RAP1B: variants seen among roughly 807,000 people sequenced by gnomAD.
RAP1B encodes ras-related protein Rap-1b.
RAP1B carries 1 observed loss-of-function variant against 27.5 expected under a neutral mutation model. The ratio of observed to expected loss-of-function variants is 0.04; its 90% CI spans 0.01 to 0.17. The LOEUF (loss-of-function observed/expected upper bound fraction) is 0.17. RAP1B is among the 10% of genes least tolerant of loss of function. The probability of loss-of-function intolerance (pLI) is 1.00; values close to 1 mark genes in which losing one functional copy is unlikely to be tolerated. For synonymous variants in RAP1B, 75 were observed against 73.1 expected, an observed-to-expected ratio of 1.03 and a Z score of -0.13; for missense variants, 84 against 214.8, an observed-to-expected ratio of 0.39 and a Z score of 3.81.
chr12:68,641,368 A>G (rs906392949), intron 1 of RAP1B, among the ~76,000 whole-genome samples: 7 of 152,212 alleles, frequency 4.6e-5, no homozygotes, highest in Admixed American at 1.3e-4. Flanking sequence ...ACTCTCGACA[A>G]TGCCAAAGGA....
chr12:68,662,008 C>CTATATATATATATATATATATATATA lies in RAP1B; in HGVS notation c.*2784_*2785insATATATATATATATATATATATATAT, dbSNP rs63676662. The CTATATATATATATATATATATATATA allele has an allele frequency of 3.0e-4, 40 of 133,858 alleles. No individual in the cohort carries two copies. The highest frequency in any genetic ancestry group is 3.8e-3 in the Middle Eastern group (1 of 264). The allele number at this position is 133,858 out of a possible 1,614,324, so 8.3% of individuals were successfully genotyped here. A position where few individuals can be genotyped will look rare whatever the true frequency, so the allele number is the denominator to read the frequency against. ...TGAATGCCAGTGCTATCCTCTAGGT[C>CTATATATATATATATATATATATATA]TATATATATATATATATATATATAT... is the stretch of plus-strand genomic sequence containing the variant. On this transcript the variant is annotated 3_prime_UTR_variant, in exon 8 of 8. Transcript: ENST00000250559.
At chr12:68,612,784 T>G (rs2135903882) in intron 1 of RAP1B, among the ~76,000 whole-genome samples, 1 of 152,338 alleles carries the variant, frequency 6.6e-6, no homozygotes, top group African/African-American at 2.4e-5. Flanking sequence ...TCTGTGCTTT[T>G]AATGTGTACT....
chr12:68,648,293 T>C (rs116087465), intron 1 of RAP1B, among the ~76,000 whole-genome samples: 53 of 152,358 alleles, frequency 3.5e-4, no homozygotes, highest in African/African-American at 1.3e-3. Context: ...TACCAACATA[T>C]TATATTTACC....
At chr12:68,620,187 GTTTT>G (rs1160267777) in intron 1 of RAP1B, among the ~76,000 whole-genome samples, 1 of 147,978 alleles carries the variant, frequency 6.8e-6, no homozygotes. Flanking sequence ...GGTGGTGGTG[GTTTT>G]TTTATTTTTT....
chr12:68,625,380 C>T (rs1040030232), intron 1 of RAP1B, among the ~76,000 whole-genome samples: 1 of 152,152 alleles, frequency 6.6e-6, no homozygotes, highest in Non-Finnish European at 1.5e-5. Context: ...TAAGCCAGTG[C>T]GTGCGTAAGC....
rs998403325 is a variant in RAP1B, at chr12:68,650,366, T to G, written c.58-34T>G. 3.4e-6 allele frequency: 5 copies of G among 1,491,644 alleles called. No homozygotes were observed. In the African/African-American group the frequency reaches 7.2e-5, roughly 21 times the overall value. The allele number at this position is 1,491,644 out of a possible 1,614,324, so 92.4% of individuals were successfully genotyped here. On this transcript the variant is annotated intron_variant, in intron 2 of 7. Transcript: ENST00000250559. ...TAAAGATTGAATGTACTCTTTTCTT[T>G]AGAAGTATAATGGTTTCTTAATTTT... is the stretch of plus-strand genomic sequence containing the variant.
At chr12:68,651,780 C>T (rs543575583) in intron 3 of RAP1B, 51 of 506,426 alleles carry the variant, frequency 1.0e-4, no homozygotes, top group African/African-American at 9.3e-4. Flanking sequence ...GACTTGAGAA[C>T]ACATGGCTTT....
At chr12:68,646,484 C>T (rs368680953) in intron 1 of RAP1B, among the ~76,000 whole-genome samples, 6 of 152,216 alleles carry the variant, frequency 3.9e-5, no homozygotes, top group Admixed American at 6.5e-5. Flanking sequence ...TTAGTAGAAA[C>T]GGGGTTTCAC....
chr12:68,646,049 A>G (rs922359929), intron 1 of RAP1B, among the ~76,000 whole-genome samples: 13 of 152,240 alleles, frequency 8.5e-5, no homozygotes, highest in Non-Finnish European at 1.6e-4. Flanking sequence ...TCATTCATGG[A>G]TAAATGAAGC....
chr12:68,654,939 C>G (rs1202143374), intron 5 of RAP1B, among the ~76,000 whole-genome samples: 3 of 152,236 alleles, frequency 2.0e-5, no homozygotes, highest in South Asian at 4.1e-4. Context: ...GCTTCTGATT[C>G]AGTAGGTCAG....
chr12:68,619,361 G>A (rs10878848), intron 1 of RAP1B, among the ~76,000 whole-genome samples: 33,383 of 152,094 alleles, frequency 0.22, 4,650 homozygotes, highest in Non-Finnish European at 0.32. Flanking sequence ...TGTATCAGCT[G>A]CTGTAAGTAT....
At chr12:68,620,455 T>C (rs1871312869) in intron 1 of RAP1B, among the ~76,000 whole-genome samples, 1 of 152,034 alleles carries the variant, frequency 6.6e-6, no homozygotes, top group Non-Finnish European at 1.5e-5. Flanking sequence ...ACTCCTGACC[T>C]CAGGTGATCC....
intron 1 of RAP1B, among the ~76,000 whole-genome samples, chr12:68,644,259 G>A (rs1482362837): frequency 6.6e-6 from 1 of 152,108 alleles, no homozygotes; most frequent in Admixed American, 6.6e-5. Flanking sequence ...ATATTGACAT[G>A]GAGGGTTCTT....
chr12:68,620,741 C>T (rs1424622581), intron 1 of RAP1B, among the ~76,000 whole-genome samples: 3 of 151,860 alleles, frequency 2.0e-5, no homozygotes, highest in Non-Finnish European at 4.4e-5. Context: ...GGACTACAGG[C>T]GCATGCCACC....
chr12:68,657,825 A>AACAC lies in RAP1B; in HGVS notation c.*30+625_*30+628dup, dbSNP rs201612273. On this transcript the variant is annotated intron_variant, in intron 7 of 7. Coordinates refer to ENST00000250559, the MANE Select transcript of RAP1B (RefSeq NM_001010942.3). ...TCCCAGCCAACCGTCCCTAATTTAA[A>AACAC]ACACACACACACACACACACCCCTG... The AACAC allele has an allele frequency of 8.7e-3, 1,322 of 151,310 alleles. 7 individuals carry two copies. Among genetic ancestry groups the AACAC allele is most frequent in the South Asian group, 0.017 (85 of 5,020 alleles). 9.4% of individuals were successfully genotyped at this position (151,310 alleles called of 1,614,324 possible).
intron 1 of RAP1B, among the ~76,000 whole-genome samples, chr12:68,648,290 A>C (rs1183454022): frequency 6.6e-6 from 1 of 152,180 alleles, no homozygotes; most frequent in Non-Finnish European, 1.5e-5. Flanking sequence ...CTCTACCAAC[A>C]TATTATATTT....
At chr12:68,641,178 T>C (rs950382099) in intron 1 of RAP1B, 5 of 152,308 alleles carry the variant, frequency 3.3e-5, no homozygotes, top group African/African-American at 1.2e-4. Flanking sequence ...ACTTGGCTAA[T>C]TTTCATATTT....
intron 1 of RAP1B, among the ~76,000 whole-genome samples, chr12:68,632,050 GT>G (rs11322867): frequency 0.054 from 7,794 of 143,518 alleles, 669 homozygotes; most frequent in African/African-American, 0.19. Context: ...TTTACTGCAG[GT>G]TTTTTTTTTC....
chr12:68,652,048 A>G lies in RAP1B; in HGVS notation c.180A>G (p.Gly60=). ...QCMLEILDTA[G]TEQFTAMRDL... ...TGCTTGAAATCTTGGATACTGCAGG[A>G]ACGGTAGGTAAAACTAAATACCAAA... The change falls in exon 4 of 8, where the codon GGA becomes GGG. Residue 60 remains glycine, a synonymous_variant. Coordinates refer to ENST00000250559, the MANE Select transcript of RAP1B (RefSeq NM_001010942.3). 6.2e-7 allele frequency: 1 copy of G among 1,611,358 alleles called. No individual in the cohort carries two copies. Among genetic ancestry groups the G allele is most frequent in the African/African-American group, 1.3e-5 (1 of 74,992 alleles).
Sources: allele counts gnomAD v4.1 joint callset (sites outside exome capture counted in the v4.1 genomes callset), GRCh38; gene constraint gnomAD v4.1.1; transcripts MANE v1.5; gene names NCBI Gene and HGNC (gene_info 2026-07-23, HGNC 2026-07-21).